The following COLGALT2 variants were observed in gnomAD, a reference collection of about 807,000 sequenced individuals.
COLGALT2 encodes the protein procollagen galactosyltransferase 2.
In COLGALT2, 49 loss-of-function variants were observed where a neutral mutation model predicts 73.4. The ratio of observed to expected loss-of-function variants is 0.67; its 90% CI spans 0.53 to 0.85. COLGALT2 has a LOEUF of 0.85. Ranked by LOEUF, COLGALT2 falls within the 40% of genes least tolerant of loss-of-function variation. The pLI is 0.00. For synonymous variants in COLGALT2, 295 were observed against 307.6 expected, an observed-to-expected ratio of 0.96 and a Z score of 0.43; for missense variants, 722 against 790.2, an observed-to-expected ratio of 0.91 and a Z score of 1.03.
intron 1 of COLGALT2, among the ~76,000 whole-genome samples, chr1:184,016,985 GA>G (rs1170668054): frequency 1.3e-5 from 2 of 152,142 alleles, no homozygotes; most frequent in Admixed American, 6.5e-5. Context: ...TAACAGTTTA[GA>G]AAAGTTTCAA....
At chr1:183,953,633 C>T (rs1191589909) in intron 7 of COLGALT2, among the ~76,000 whole-genome samples, 2 of 152,254 alleles carry the variant, frequency 1.3e-5, no homozygotes, top group East Asian at 1.9e-4. Context: ...TTCTCTATAG[C>T]CCTGATCATT....
chr1:183,967,797 C>A (rs1398393816), intron 5 of COLGALT2, among the ~76,000 whole-genome samples: 1 of 152,214 alleles, frequency 6.6e-6, no homozygotes, highest in African/African-American at 2.4e-5. Flanking sequence ...CAGAGCAAAT[C>A]ACAGACCAAC....
intron 5 of COLGALT2, among the ~76,000 whole-genome samples, chr1:183,965,355 T>C (rs1030904039): frequency 6.6e-6 from 1 of 152,200 alleles, no homozygotes. Flanking sequence ...CTATCCAAAT[T>C]ATCCATCAAG....
At chr1:183,954,695 G>C (rs768969742) in intron 7 of COLGALT2, 67 bp downstream of exon 7, 2 of 1,289,126 alleles carry the variant, frequency 1.6e-6, no homozygotes, top group Non-Finnish European at 2.2e-6. Flanking sequence ...TCAGGCTTGT[G>C]TTCCAAAATG....
chr1:183,966,211 G>A (rs1327873460), intron 5 of COLGALT2, among the ~76,000 whole-genome samples: 1 of 152,126 alleles, frequency 6.6e-6, no homozygotes, highest in Non-Finnish European at 1.5e-5. Context: ...AAATTTAAAA[G>A]AAAATGTATT....
chr1:184,000,415 C>T (rs1228053624), intron 1 of COLGALT2, among the ~76,000 whole-genome samples: 4 of 151,880 alleles, frequency 2.6e-5, no homozygotes, highest in Non-Finnish European at 5.9e-5. Context: ...TCTAACTTGA[C>T]AAAGTTTAAA....
At chr1:183,962,154 CTT>C (rs34873073) in intron 6 of COLGALT2, among the ~76,000 whole-genome samples, 23 of 85,526 alleles carry the variant, frequency 2.7e-4, no homozygotes, top group East Asian at 4.0e-4. Flanking sequence ...TTTTCTCTTT[CTT>C]TTTTTTTTTT....
chr1:184,004,150 T>C (rs1017088295), intron 1 of COLGALT2, among the ~76,000 whole-genome samples: 1 of 152,208 alleles, frequency 6.6e-6, no homozygotes, highest in Non-Finnish European at 1.5e-5. Context: ...GTAAGCTAGC[T>C]ACGGTCTTAA....
chr1:183,939,012 A>G lies in COLGALT2; in HGVS notation c.1630T>C (p.Ser544Pro). ...PVAEYKEYYE[S>P]RDLKAFSAEP... ...GCAGAGAAGGCTTTCAGGTCCCTGG[A>G]TTCATAATACTCCTTGTACTCGGCT... The change falls in exon 12 of 12, where the codon TCC becomes CCC. Residue 544 changes from serine to proline, a missense_variant. Coordinates refer to ENST00000361927, the MANE Select transcript of COLGALT2 (RefSeq NM_015101.4). 2.5e-6 allele frequency: 4 copies of G among 1,613,978 alleles called. No homozygotes were observed. The highest frequency in any genetic ancestry group is 3.4e-6 in the Non-Finnish European group (4 of 1,179,904).
chr1:184,005,806 G>A (rs1332177330), intron 1 of COLGALT2, among the ~76,000 whole-genome samples: 2 of 152,322 alleles, frequency 1.3e-5, no homozygotes, highest in African/African-American at 2.4e-5. Context: ...GTTCACAGAT[G>A]AGGCCAGTGG....
At chr1:183,945,683 G>T (rs1572630488) in intron 8 of COLGALT2, 119 bp from the exon 9 acceptor site, 1 of 1,205,922 alleles carries the variant, frequency 8.3e-7, no homozygotes, top group Non-Finnish European at 1.2e-6. Context: ...AGACAGAGAG[G>T]CTTCCCTTTA....
chr1:183,937,295 G>A lies in COLGALT2; in HGVS notation c.*1466C>T. ...GGATGCCTGGGAGGGTTTTTCTGGA[G>A]ACAAAAATTTACAGATTGAGGGCAT... is the stretch of plus-strand genomic sequence containing the variant. On this transcript the variant is annotated 3_prime_UTR_variant, in exon 12 of 12. Coordinates refer to ENST00000361927, the MANE Select transcript of COLGALT2 (RefSeq NM_015101.4). 1 of 1,108,822 alleles carries A rather than the reference G, an allele frequency of 9.0e-7. No individual in the cohort carries two copies. The highest frequency in any genetic ancestry group is 1.1e-6 in the Non-Finnish European group (1 of 910,372). 68.7% of individuals were successfully genotyped at this position (1,108,822 alleles called of 1,614,324 possible).
exon 12 of COLGALT2, chr1:183,930,230 C>G (rs1251467182): frequency 2.2e-6 from 1 of 456,086 alleles, no homozygotes; most frequent in African/African-American, 2.0e-5. Context: ...CGGGTTTGTT[C>G]ACCGTTGGCA....
chr1:184,007,201 C>A (rs1157774352), intron 1 of COLGALT2, among the ~76,000 whole-genome samples: 1 of 152,204 alleles, frequency 6.6e-6, no homozygotes, highest in Admixed American at 6.5e-5. Flanking sequence ...GGGAATAACA[C>A]CATGTGCAAA....
chr1:184,000,182 T>G (rs1248774346), intron 1 of COLGALT2, among the ~76,000 whole-genome samples: 5 of 152,206 alleles, frequency 3.3e-5, no homozygotes, highest in African/African-American at 1.2e-4. Flanking sequence ...TGTGATATGA[T>G]GCCAATTCCT....
At chr1:183,958,185 G>T (rs886594007) in intron 6 of COLGALT2, among the ~76,000 whole-genome samples, 3 of 152,134 alleles carry the variant, frequency 2.0e-5, no homozygotes, top group Non-Finnish European at 4.4e-5. Context: ...GTTAGTCATT[G>T]TCGTCATAAC....
chr1:183,945,675 A>T, intron 8 of COLGALT2, 111 bp from the exon 9 acceptor site: 1 of 1,254,858 alleles, frequency 8.0e-7, no homozygotes, highest in Non-Finnish European at 1.1e-6. Flanking sequence ...ACAGACAAAG[A>T]CAGAGAGGCT....
At chr1:184,001,015 AGT>A (rs1297447412) in intron 1 of COLGALT2, among the ~76,000 whole-genome samples, 2 of 151,556 alleles carry the variant, frequency 1.3e-5, no homozygotes, top group East Asian at 3.9e-4. Flanking sequence ...ATTTCTTTTT[AGT>A]AGAGACGGGG....
chr1:184,013,039 G>A (rs751246512), intron 1 of COLGALT2, among the ~76,000 whole-genome samples: 5 of 152,362 alleles, frequency 3.3e-5, no homozygotes, highest in Middle Eastern at 3.4e-3. Context: ...GGGAGGCCAG[G>A]TGCGGTGGCT....
Sources: allele counts gnomAD v4.1 joint callset (sites outside exome capture counted in the v4.1 genomes callset), GRCh38; gene constraint gnomAD v4.1.1; transcripts MANE v1.5; gene names NCBI Gene and HGNC (gene_info 2026-07-23, HGNC 2026-07-21).